Variants in DNM3 observed in about 807,000 individuals in gnomAD.
The protein encoded by DNM3 is dynamin 3, also known as dynamin-3.
In DNM3, 47 loss-of-function variants were observed where a neutral mutation model predicts 101.6. That is an observed-to-expected ratio of 0.46 (90% CI 0.37 to 0.59). The LOEUF (loss-of-function observed/expected upper bound fraction) is 0.59. Among genes scored for constraint, DNM3 ranks in the 20% least tolerant of loss-of-function variants. DNM3 has a pLI of 0.00. For synonymous variants in DNM3, 385 were observed against 387.9 expected (o/e 0.99, Z 0.09); for missense variants, 849 against 1,085.7 (o/e 0.78, Z 3.06).
chr1:171,859,729 G>T (rs569253483), intron 1 of DNM3, among the ~76,000 whole-genome samples: 1 of 152,260 alleles, frequency 6.6e-6, no homozygotes, highest in South Asian at 2.1e-4. Context: ...TGGATGCCAT[G>T]ACAGGAATGA....
At chr1:172,104,598 T>C (rs764737613) in intron 13 of DNM3, among the ~76,000 whole-genome samples, 3 of 152,162 alleles carry the variant, frequency 2.0e-5, no homozygotes, top group Non-Finnish European at 4.4e-5. Flanking sequence ...TTTTTAACTT[T>C]TTCTTATATA....
At chr1:172,134,403 A>G (rs897483577) in intron 14 of DNM3, among the ~76,000 whole-genome samples, 1 of 152,200 alleles carries the variant, frequency 6.6e-6, no homozygotes, top group African/African-American at 2.4e-5. Flanking sequence ...GATCATCACC[A>G]TAATGGCTAA....
intron 2 of DNM3, among the ~76,000 whole-genome samples, chr1:171,938,549 A>G (rs1390396753): frequency 6.6e-6 from 1 of 152,178 alleles, no homozygotes; most frequent in Admixed American, 6.5e-5. Context: ...ATTTTCTAAA[A>G]AGTTTGAGGA....
rs1012417121 is a variant in DNM3, at chr1:171,841,551, T to C, written c.-106T>C. 121 of 1,450,792 alleles carry C rather than the reference T, an allele frequency of 8.3e-5. No homozygotes were observed. The African/African-American group carries it at 1.7e-3, about 20-fold the overall frequency. 89.9% of individuals were successfully genotyped at this position (1,450,792 alleles called of 1,614,324 possible). ...TCCGACGTCTGCGCCAGGACCTGGC[T>C]GGCTGAGCCCGGCGCAGCAGCAGCA... On this transcript the variant is annotated 5_prime_UTR_variant, in exon 1 of 21. Transcript: ENST00000627582.
At chr1:172,127,076 C>A (rs2056668026) in intron 13 of DNM3, among the ~76,000 whole-genome samples, 1 of 152,114 alleles carries the variant, frequency 6.6e-6, no homozygotes. Context: ...CACTCTCACT[C>A]AACTACTGGT....
chr1:172,038,656 C>T (rs897767922), intron 7 of DNM3, among the ~76,000 whole-genome samples, 195 bp downstream of exon 7: 2 of 152,186 alleles, frequency 1.3e-5, no homozygotes, highest in African/African-American at 4.8e-5. Context: ...TTATTATCAA[C>T]TTACCAGTTG....
chr1:172,399,694 C>G (rs1424514344), intron 20 of DNM3: 1 of 151,972 alleles, frequency 6.6e-6, no homozygotes, highest in Non-Finnish European at 1.5e-5. Flanking sequence ...TGTTAGAGCT[C>G]CTCCTGCTGG....
At chr1:172,193,442 C>T (rs1265851688) in intron 14 of DNM3, among the ~76,000 whole-genome samples, 1 of 152,106 alleles carries the variant, frequency 6.6e-6, no homozygotes, top group Non-Finnish European at 1.5e-5. Flanking sequence ...ATGGAACCAG[C>T]TCCTCTTTCT....
chr1:172,083,230 A>C (rs1409352202), intron 12 of DNM3, among the ~76,000 whole-genome samples: 1 of 152,186 alleles, frequency 6.6e-6, no homozygotes, highest in Non-Finnish European at 1.5e-5. Flanking sequence ...ACAGTCAGTG[A>C]ACTCTAGGGA....
Position 172,087,378 on chromosome 1 carries a change from C to A in DNM3, c.1494-5446C>A, listed in dbSNP as rs115403500. ...TTACCCACTCCAATGGTTTTAGTTG[C>A]CAACTTTATCTGATGACTCCAAATC... On this transcript the variant is annotated intron_variant, in intron 12 of 20. Transcript: ENST00000627582. 7.1e-3 allele frequency among the ~76,000 whole-genome samples: 1,074 copies of A among 152,200 alleles called. 18 individuals are homozygous for A. Among genetic ancestry groups the A allele is most frequent in the African/African-American group, 0.024 (1,012 of 41,528 alleles).
chr1:172,355,047 C>CAAA (rs1449445000), intron 17 of DNM3, among the ~76,000 whole-genome samples: 5 of 152,140 alleles, frequency 3.3e-5, no homozygotes, highest in African/African-American at 1.2e-4. Flanking sequence ...GTTCCTCATT[C>CAAA]TGTAATTTGA....
intron 20 of DNM3, chr1:172,397,151 AAT>A (rs1329697898): frequency 6.6e-6 from 1 of 152,612 alleles, no homozygotes; most frequent in East Asian, 1.9e-4. Flanking sequence ...AACTGAGGAA[AAT>A]GTCTACTTAC....
chr1:172,376,940 G>T (rs1173413856), intron 17 of DNM3, among the ~76,000 whole-genome samples: 1 of 151,944 alleles, frequency 6.6e-6, no homozygotes, highest in Non-Finnish European at 1.5e-5. Flanking sequence ...GTGAAGCATG[G>T]TTACATGTTA....
At chr1:172,235,068 A>G (rs1345557373) in intron 14 of DNM3, among the ~76,000 whole-genome samples, 2 of 152,130 alleles carry the variant, frequency 1.3e-5, no homozygotes, top group Admixed American at 6.5e-5. Context: ...CAGGCAACCT[A>G]CAGAATGGGA....
At position 171,921,817 on chromosome 1, in the gene DNM3, A is replaced by G; in HGVS notation, c.231A>G (p.Lys77=). The change falls in exon 2 of 21, where the codon AAA becomes AAG. Residue 77 remains lysine (K), a synonymous_variant. Transcript: ENST00000627582. ...TTGTGCTGCAGCTTGTTACTTCTAA[A>G]GCAGGTAATGAATGAAGATGTTTAC... The part of the protein sequence containing the change: ...RPLVLQLVTS[K]AEYAEFLHCK... 1 of 1,599,692 alleles carries G rather than the reference A, an allele frequency of 6.3e-7. No individual in the cohort carries two copies. The highest frequency in any genetic ancestry group is 8.5e-7 in the Non-Finnish European group (1 of 1,172,292).
At chr1:172,161,348 G>T (rs1383614599) in intron 14 of DNM3, among the ~76,000 whole-genome samples, 2 of 151,830 alleles carry the variant, frequency 1.3e-5, no homozygotes, top group Non-Finnish European at 2.9e-5. Flanking sequence ...TGTTATCATG[G>T]GCCGTTTCTC....
rs577554302 is a variant in DNM3 at position 172,349,636 on chromosome 1, A to G, written c.1893+26296A>G. ...TTCAAGATAATGTGAATATAGCAAT[A>G]CATGATCAAATATCTATTTTCTAAA... On this transcript the variant is annotated intron_variant, in intron 17 of 20. Transcript: ENST00000627582. Among the ~76,000 whole-genome samples the G allele has an allele frequency of 7.9e-5, 12 of 152,344 alleles. No individual in the cohort carries two copies. In the East Asian group the frequency reaches 1.5e-3, roughly 20 times the overall value.
At chr1:172,224,598 T>G (rs959569043) in intron 14 of DNM3, among the ~76,000 whole-genome samples, 2 of 152,150 alleles carry the variant, frequency 1.3e-5, no homozygotes, top group Non-Finnish European at 2.9e-5. Flanking sequence ...TTCAGTGACT[T>G]GGAAATTCTC....
At chr1:172,038,236 C>T (rs41263724) in intron 6 of DNM3, 83 bp from the exon 7 acceptor site, 60,959 of 1,516,072 alleles carry the variant, frequency 0.04, 1,372 homozygotes, top group Middle Eastern at 0.061. Flanking sequence ...ACAATGGAGG[C>T]GGATCTTTGT....
Sources: gnomAD v4.1 joint callset for allele counts (sites outside exome capture counted in the v4.1 genomes callset) on GRCh38, gnomAD v4.1.1 for gene constraint, MANE v1.5 for transcripts, NCBI Gene and HGNC (gene_info 2026-07-23, HGNC 2026-07-21) for gene names.